FBXO5: variants seen among roughly 807,000 people sequenced by gnomAD.
FBXO5 encodes F-box protein 5, also known as F-box only protein 5.
A neutral mutation model predicts 43.3 loss-of-function variants in FBXO5; 8 were observed. That is an observed-to-expected ratio of 0.18 (90% CI 0.11 to 0.33). The LOEUF is 0.33. Ranked by LOEUF, FBXO5 falls within the 10% of genes least tolerant of loss-of-function variation. FBXO5 has a pLI of 1.00. For synonymous variants in FBXO5, 204 were observed against 193.7 expected, an observed-to-expected ratio of 1.05 and a Z score of -0.44; for missense variants, 491 against 535.7, an observed-to-expected ratio of 0.92 and a Z score of 0.82.
intron 1 of FBXO5, among the ~76,000 whole-genome samples, chr6:152,979,496 T>G (rs927461143): frequency 6.6e-6 from 1 of 152,244 alleles, no homozygotes; most frequent in Non-Finnish European, 1.5e-5. Flanking sequence ...TTGCTCCAAA[T>G]GTAAAGTTAC....
chr6:152,978,619 G>A (rs577471715), intron 1 of FBXO5, among the ~76,000 whole-genome samples: 1 of 151,824 alleles, frequency 6.6e-6, no homozygotes, highest in African/African-American at 2.4e-5. Context: ...TCTTCCTCAC[G>A]AAATTAGCAC....
At chr6:152,971,470 A>T (rs1432392850) in intron 4 of FBXO5, 56 bp from the exon 5 acceptor site, 2 of 1,535,842 alleles carry the variant, frequency 1.3e-6, no homozygotes, top group Middle Eastern at 1.9e-4. Flanking sequence ...CATGTACTTT[A>T]GTTAATAAAA....
At position 152,982,749 on chromosome 6, in the gene FBXO5, C is replaced by T. The variant is rs1035245262; in HGVS notation, c.103+108G>A. On this transcript the variant is annotated intron_variant, in intron 1 of 4. Transcript: ENST00000229758. ...CCCGAGGCCGGGCGTGTGGCATGGC[C>T]GCGCGTCCAGGCTCCGAGGGACGTC... 12 of 739,414 alleles carry T rather than the reference C, an allele frequency of 1.6e-5. No homozygotes were observed. The African/African-American group carries it at 2.2e-4, about 14-fold the overall frequency. 45.8% of individuals were successfully genotyped at this position (739,414 alleles called of 1,614,324 possible).
chr6:152,970,593 T>TA lies in FBXO5; in HGVS notation c.*569dup, dbSNP rs1429950883. The stretch of plus-strand genomic sequence containing the variant: ...TACAAGAGACATATTCTTTGACATA[T>TA]AAAAAATACAGAAATATTTACATGT... On this transcript the variant is annotated 3_prime_UTR_variant, in exon 5 of 5. Transcript: ENST00000229758. 1 of 152,120 alleles carries TA rather than the reference T, an allele frequency of 6.6e-6. No individual in the cohort carries two copies. Among genetic ancestry groups the TA allele is most frequent in the African/African-American group, 2.4e-5 (1 of 41,402 alleles). 9.4% of individuals were successfully genotyped at this position (152,120 alleles called of 1,614,324 possible).
chr6:152,981,963 ACTAT>A (rs1006518782), intron 1 of FBXO5, among the ~76,000 whole-genome samples: 6 of 152,184 alleles, frequency 3.9e-5, no homozygotes, highest in Admixed American at 6.5e-5. Flanking sequence ...GAAATAAAGG[ACTAT>A]CTAATTCTTC....
At chr6:152,974,386 G>T (rs1255017504) in intron 2 of FBXO5, among the ~76,000 whole-genome samples, 2 of 152,124 alleles carry the variant, frequency 1.3e-5, no homozygotes, top group Non-Finnish European at 1.5e-5. Context: ...CTGTTTTACA[G>T]TTAAGCCCCA....
intron 1 of FBXO5, among the ~76,000 whole-genome samples, chr6:152,979,647 T>C (rs1374707910): frequency 6.6e-6 from 1 of 152,254 alleles, no homozygotes; most frequent in Non-Finnish European, 1.5e-5. Context: ...CTCCTATTTA[T>C]TCATACTACC....
rs1778141690 is a variant in FBXO5 at position 152,974,957 on chromosome 6, T to C, written c.768A>G (p.Arg256=). 1 of 1,612,596 alleles carries C rather than the reference T, an allele frequency of 6.2e-7. No homozygotes were observed. The highest frequency in any genetic ancestry group is 1.1e-5 in the South Asian group (1 of 90,772). The change falls in exon 2 of 5, where the codon AGA becomes AGG. Residue 256 remains arginine (R), a synonymous_variant. Transcript: ENST00000229758. Reference sequence around the variant, plus strand: ...GTGCTAAAATAGTTGCTAAGACATGTCTGAGTCCCCTTCGAAAGAGTTCGC... The same window carrying C: ...GTGCTAAAATAGTTGCTAAGACATGCCTGAGTCCCCTTCGAAAGAGTTCGC... ...ILSELFRRGL[R]HVLATILAQL...
intron 4 of FBXO5, among the ~76,000 whole-genome samples, chr6:152,971,769 A>G (rs1431324220): frequency 6.6e-6 from 1 of 152,194 alleles, no homozygotes; most frequent in Non-Finnish European, 1.5e-5. Flanking sequence ...TTGAGTAGAA[A>G]TTTTAGCACA....
At chr6:152,973,568 T>A (rs1343054790) in intron 2 of FBXO5, 2 of 156,182 alleles carry the variant, frequency 1.3e-5, no homozygotes, top group African/African-American at 2.4e-5. Flanking sequence ...GGTACTGATT[T>A]GACTGTCCCT....
Position 152,970,951 on chromosome 6 carries a change from TTTGTA to T in FBXO5, c.*207_*211del. On this transcript the variant is annotated 3_prime_UTR_variant, in exon 5 of 5. Transcript: ENST00000229758. Reference sequence around the variant, plus strand: ...TTCTTAAAATATTTAAATTGTTTGATTTGTATTGAGAATTTTAAACTTTTTCTCAT... The same window carrying T: ...TTCTTAAAATATTTAAATTGTTTGATTTGAGAATTTTAAACTTTTTCTCAT... 2.3e-6 allele frequency: 1 copy of T among 426,714 alleles called. No homozygotes were observed. Among genetic ancestry groups the T allele is most frequent in the South Asian group, 6.0e-5 (1 of 16,782 alleles). 26.4% of individuals were successfully genotyped at this position (426,714 alleles called of 1,614,324 possible).
rs1457186585 is a variant in FBXO5 at position 152,974,972 on chromosome 6, A to G, written c.753T>C (p.Phe251=). Residue 251 remains phenylalanine, a synonymous_variant, in exon 2 of 5, where the codon TTT becomes TTC. Transcript: ENST00000229758. Reference sequence around the variant, plus strand: ...CTAAGACATGTCTGAGTCCCCTTCGAAAGAGTTCGCTGAGAATATCTACAC... The same window carrying G: ...CTAAGACATGTCTGAGTCCCCTTCGGAAGAGTTCGCTGAGAATATCTACAC... ...LECVDILSEL[F]RRGLRHVLAT... 1.2e-6 allele frequency: 2 copies of G among 1,613,382 alleles called. No individual in the cohort carries two copies. The highest frequency in any genetic ancestry group is 1.7e-4 in the Middle Eastern group (1 of 6,058).
chr6:152,979,216 C>CT (rs1778226151), intron 1 of FBXO5, among the ~76,000 whole-genome samples: 1 of 152,094 alleles, frequency 6.6e-6, no homozygotes, highest in Admixed American at 6.5e-5. Context: ...TACCTAAAAT[C>CT]TTTTTTCTGT....
At chr6:152,978,756 G>T (rs1205127462) in intron 1 of FBXO5, among the ~76,000 whole-genome samples, 1 of 152,102 alleles carries the variant, frequency 6.6e-6, no homozygotes, top group African/African-American at 2.4e-5. Context: ...GGGAGGCTGA[G>T]GTTGGGGGAC....
Position 152,977,324 on chromosome 6 carries a change from T to C in FBXO5, c.104-1703A>G, listed in dbSNP as rs76108095. On this transcript the variant is annotated intron_variant, in intron 1 of 4. Coordinates refer to ENST00000229758, the MANE Select transcript of FBXO5 (RefSeq NM_012177.5). ...GTAAATGTATACAGCATCAGTATGT[T>C]TAGTCTGCACTAAATATTGGTAATG... 9.0e-3 allele frequency among the ~76,000 whole-genome samples: 1,378 copies of C among 152,324 alleles called. 22 individuals are homozygous for C. Among genetic ancestry groups the C allele is most frequent in the African/African-American group, 0.032 (1,312 of 41,564 alleles).
chr6:152,982,999 T>G lies in FBXO5; in HGVS notation c.-40A>C. On this transcript the variant is annotated 5_prime_UTR_variant, in exon 1 of 5. Transcript: ENST00000229758. ...AGTCTGCCTCAGGTGGAGGAACCGC[T>G]CCGGGGGCAGCTGAGCAACCTGCCT... 7.8e-7 allele frequency: 1 copy of G among 1,277,758 alleles called. No homozygotes were observed. The allele number at this position is 1,277,758 out of a possible 1,614,324, so 79.2% of individuals were successfully genotyped here. A position where few individuals can be genotyped will look rare whatever the true frequency, so the allele number is the denominator to read the frequency against.
chr6:152,972,235 C>G, intron 4 of FBXO5, 37 bp downstream of exon 4: 1 of 1,480,840 alleles, frequency 6.8e-7, no homozygotes, highest in Non-Finnish European at 9.3e-7. Flanking sequence ...CTCTAAATCT[C>G]TTATGTTTTA....
At chr6:152,972,242 T>C (rs755070260) in intron 4 of FBXO5, 30 bp downstream of exon 4, 1 of 1,537,468 alleles carries the variant, frequency 6.5e-7, no homozygotes, top group Non-Finnish European at 8.9e-7. Context: ...TCTCTTATGT[T>C]TTAAGATTTA....
chr6:152,981,412 A>G (rs566769476), intron 1 of FBXO5, among the ~76,000 whole-genome samples: 7 of 152,348 alleles, frequency 4.6e-5, no homozygotes, highest in African/African-American at 1.7e-4. Flanking sequence ...ATACCTACAG[A>G]TAACGACCAT....
Sources: gnomAD v4.1 joint callset for allele counts (sites outside exome capture counted in the v4.1 genomes callset) on GRCh38, gnomAD v4.1.1 for gene constraint, MANE v1.5 for transcripts, NCBI Gene and HGNC (gene_info 2026-07-23, HGNC 2026-07-21) for gene names.